CC2D2B: variants seen among roughly 807,000 people sequenced by gnomAD.
CC2D2B encodes protein CC2D2B.
CC2D2B carries 128 observed loss-of-function variants against 161.2 expected under a neutral mutation model. The ratio of observed to expected loss-of-function variants is 0.79; its 90% CI spans 0.69 to 0.92. The LOEUF (loss-of-function observed/expected upper bound fraction) is 0.92, where lower values mean the gene tolerates loss of function less well. Among genes scored for constraint, CC2D2B ranks in the 40% least tolerant of loss-of-function variants. The pLI is 0.00. For synonymous variants in CC2D2B, 391 were observed against 449.8 expected (o/e 0.87, Z 1.65); for missense variants, 1,173 against 1,375.1 (o/e 0.85, Z 2.32).
intron 24 of CC2D2B, chr10:95,999,971 T>C: frequency 2.7e-6 from 2 of 731,522 alleles, no homozygotes; most frequent in Non-Finnish European, 2.2e-6. Context: ...ACTTATGTGC[T>C]CAATACACAC....
chr10:95,969,249 G>A (rs149334629), intron 15 of CC2D2B, among the ~76,000 whole-genome samples: 2,841 of 152,186 alleles, frequency 0.019, 36 homozygotes, highest in Middle Eastern at 0.054. Context: ...TCTATAATAC[G>A]AACTTCCACA....
At chr10:95,930,381 C>A (rs1487695637) in intron 6 of CC2D2B, among the ~76,000 whole-genome samples, 2 of 152,178 alleles carry the variant, frequency 1.3e-5, no homozygotes, top group African/African-American at 2.4e-5. Context: ...TTTGAATACC[C>A]TTTATTTCTT....
intron 30 of CC2D2B, among the ~76,000 whole-genome samples, chr10:96,016,781 C>G (rs1270345633): frequency 6.6e-6 from 1 of 152,144 alleles, no homozygotes; most frequent in Non-Finnish European, 1.5e-5. Flanking sequence ...AGGGCAATAG[C>G]GTGATCTCGC....
At chr10:96,009,953 A>C in intron 26 of CC2D2B, 30 bp downstream of exon 26, 1 of 1,395,082 alleles carries the variant, frequency 7.2e-7, no homozygotes, top group South Asian at 1.2e-5. Context: ...TGCTCATTCT[A>C]AGTTTTGACC....
At chr10:96,002,645 G>A (rs1282541448) in intron 24 of CC2D2B, among the ~76,000 whole-genome samples, 2 of 152,126 alleles carry the variant, frequency 1.3e-5, no homozygotes, top group Non-Finnish European at 2.9e-5. Context: ...AAATCCTTGA[G>A]GAACAAAGTA....
chr10:95,971,993 T>C (rs2077153617), intron 15 of CC2D2B, 73 bp from the exon 16 acceptor site: 2 of 724,942 alleles, frequency 2.8e-6, no homozygotes, highest in Admixed American at 4.3e-5. Context: ...ATATATGTTG[T>C]TAAGGGTGCT....
At chr10:96,005,925 A>G (rs564663936) in intron 25 of CC2D2B, among the ~76,000 whole-genome samples, 2 of 152,278 alleles carry the variant, frequency 1.3e-5, no homozygotes, top group South Asian at 4.1e-4. Context: ...GTATTAGCAT[A>G]TAAATTTTCA....
In CC2D2B at chr10:95,914,558, G is replaced by A. The variant is rs1245756680; in HGVS notation, c.36+3199G>A. On this transcript the variant is annotated intron_variant, in intron 2 of 34. Transcript: ENST00000646931. ...ACCAGATGGAGGGAATTGGATCACGGGAGTGGTTTCCCCCATGCTGTTCTT... is the reference window on the plus strand; with the variant it reads ...ACCAGATGGAGGGAATTGGATCACGAGAGTGGTTTCCCCCATGCTGTTCTT... Among the ~76,000 whole-genome samples, 6 of 152,156 alleles carry A rather than the reference G, an allele frequency of 3.9e-5. No individual in the cohort carries two copies. The South Asian group carries it at 6.2e-4, about 16-fold the overall frequency.
intron 30 of CC2D2B, among the ~76,000 whole-genome samples, chr10:96,017,830 CT>C (rs1388439285): frequency 6.6e-6 from 1 of 152,006 alleles, no homozygotes; most frequent in Non-Finnish European, 1.5e-5. Flanking sequence ...GTCCCACATA[CT>C]TAGACTGAGG....
At chr10:96,003,821 C>CAACTAGCAGA (rs1267695696) in intron 24 of CC2D2B, among the ~76,000 whole-genome samples, 1 of 152,136 alleles carries the variant, frequency 6.6e-6, no homozygotes, top group Non-Finnish European at 1.5e-5. Context: ...CTCTATGTGT[C>CAACTAGCAGA]AACTAGCAGA....
At chr10:95,993,670 A>G (rs546002628) in intron 22 of CC2D2B, among the ~76,000 whole-genome samples, 2 of 150,550 alleles carry the variant, frequency 1.3e-5, no homozygotes, top group South Asian at 4.2e-4. Flanking sequence ...TTCTATAAGC[A>G]TCATGCTGCT....
chr10:96,022,725 A>G (rs571577545), intron 32 of CC2D2B: 11 of 152,418 alleles, frequency 7.2e-5, no homozygotes, highest in African/African-American at 2.6e-4. Context: ...CTACAAGAAA[A>G]AAGACATATC....
chr10:95,967,596 A>G (rs1326808142), intron 14 of CC2D2B, among the ~76,000 whole-genome samples: 1 of 152,204 alleles, frequency 6.6e-6, no homozygotes, highest in Non-Finnish European at 1.5e-5. Flanking sequence ...AGAGAAAGGC[A>G]AGATTTCCTG....
At chr10:95,957,553 A>ATTTTTTTTTTTTTTTTTT (rs869263327) in intron 11 of CC2D2B, among the ~76,000 whole-genome samples, 2 of 83,736 alleles carry the variant, frequency 2.4e-5, no homozygotes, top group African/African-American at 4.9e-5. Flanking sequence ...GCTGACAATG[A>ATTTTTTTTTTTTTTTTTT]TTTTTTTTTT....
chr10:96,032,770 C>G lies in CC2D2B; in HGVS notation c.*762C>G. The G allele has an allele frequency of 2.1e-6, 1 of 469,976 alleles. No individual in the cohort carries two copies. The highest frequency in any genetic ancestry group is 1.6e-5 in the South Asian group (1 of 64,282). The allele number at this position is 469,976 out of a possible 1,614,324, so 29.1% of individuals were successfully genotyped here. A position where few individuals can be genotyped will look rare whatever the true frequency, so the allele number is the denominator to read the frequency against. On this transcript the variant is annotated 3_prime_UTR_variant, in exon 35 of 35. Transcript: ENST00000646931. ...TACAGCTCCATGTATTTGGAAGGAACTCCCAGGAAACTCTAATTTCTCCCA... is the reference window on the plus strand; with the variant it reads ...TACAGCTCCATGTATTTGGAAGGAAGTCCCAGGAAACTCTAATTTCTCCCA...
At chr10:95,965,822 TTGG>T in intron 12 of CC2D2B, 71 bp from the exon 13 acceptor site, 4 of 418,444 alleles carry the variant, frequency 9.6e-6, no homozygotes, top group Admixed American at 4.6e-5. Context: ...TGTGTGTGTG[TTGG>T]CAAAATCTCG....
intron 29 of CC2D2B, 65 bp downstream of exon 29, chr10:96,013,942 A>T: frequency 1.3e-6 from 1 of 750,266 alleles, no homozygotes; most frequent in Non-Finnish European, 1.9e-6. Flanking sequence ...AAACCTTTTA[A>T]AAATATTATG....
chr10:95,969,842 C>A (rs1029327373), intron 15 of CC2D2B, among the ~76,000 whole-genome samples: 5 of 151,986 alleles, frequency 3.3e-5, no homozygotes, highest in African/African-American at 1.2e-4. Context: ...AGTTTAAAAT[C>A]TGCCTCCCCA....
chr10:96,020,763 T>G (rs1481314266), intron 32 of CC2D2B: 1 of 152,252 alleles, frequency 6.6e-6, no homozygotes, highest in African/African-American at 2.4e-5. Flanking sequence ...CTGGACATGG[T>G]GGCTTATGCC....
Sources: gnomAD v4.1 joint callset for allele counts (sites outside exome capture counted in the v4.1 genomes callset) on GRCh38, gnomAD v4.1.1 for gene constraint, MANE v1.5 for transcripts, NCBI Gene and HGNC (gene_info 2026-07-23, HGNC 2026-07-21) for gene names.